SRRM4: variants seen among roughly 807,000 people sequenced by gnomAD.
SRRM4 encodes the protein serine/arginine repetitive matrix protein 4.
Under a neutral mutation model 68.9 loss-of-function variants are expected in SRRM4, and 33 were observed. That is an observed-to-expected ratio of 0.48 (90% confidence interval 0.36 to 0.64). The LOEUF is 0.64. Among genes scored for constraint, SRRM4 ranks in the 30% least tolerant of loss-of-function variants. The pLI is 0.00. For synonymous variants in SRRM4, 318 were observed against 318.8 expected (o/e 1.00, Z 0.03); for missense variants, 817 against 827.1 (o/e 0.99, Z 0.15).
At chr12:119,077,394 G>T (rs1411880141) in intron 1 of SRRM4, among the ~76,000 whole-genome samples, 2 of 151,646 alleles carry the variant, frequency 1.3e-5, no homozygotes, top group Non-Finnish European at 2.9e-5. Context: ...TTACGATTCT[G>T]GCTCTATCAT....
intron 1 of SRRM4, among the ~76,000 whole-genome samples, chr12:119,022,071 TG>T (rs1953519684): frequency 1.3e-5 from 2 of 152,218 alleles, no homozygotes; most frequent in Admixed American, 6.5e-5. Context: ...TTAATGCATG[TG>T]GGGCTTAATA....
At chr12:119,022,840 A>G (rs1832991163) in intron 1 of SRRM4, among the ~76,000 whole-genome samples, 1 of 152,316 alleles carries the variant, frequency 6.6e-6, no homozygotes, top group Non-Finnish European at 1.5e-5. Flanking sequence ...GAGTTGGTTA[A>G]TTGAGCAACT....
At chr12:119,070,535 G>A (rs571108243) in intron 1 of SRRM4, among the ~76,000 whole-genome samples, 89 of 152,252 alleles carry the variant, frequency 5.8e-4, no homozygotes, top group African/African-American at 2.1e-3. Flanking sequence ...GCCGCACACA[G>A]AAGAGCTCTA....
Position 118,982,668 on chromosome 12 carries a change from TG to T in SRRM4, c.131+656del, listed in dbSNP as rs1222652677. Among the ~76,000 whole-genome samples, 659 of 85,544 alleles carry T rather than the reference TG, an allele frequency of 7.7e-3. 4 individuals carry two copies. The highest frequency in any genetic ancestry group is 0.021 in the African/African-American group (549 of 25,746). The allele number at this position is 85,544 out of a possible 152,430, so 56.1% of individuals were successfully genotyped here. A position where few individuals can be genotyped will look rare whatever the true frequency, so the allele number is the denominator to read the frequency against. On this transcript the variant is annotated intron_variant, in intron 1 of 12. Coordinates refer to ENST00000267260, the MANE Select transcript of SRRM4 (RefSeq NM_194286.4). Reference sequence around the variant, plus strand: ...AGATGATCTTGGAAGAGTTTTATTTTGTTTTTTTTTGTTTTTTTTTTTTTTT... The same window carrying T: ...AGATGATCTTGGAAGAGTTTTATTTTTTTTTTTTTGTTTTTTTTTTTTTTT...
At chr12:119,098,999 C>T (rs1954061549) in intron 1 of SRRM4, among the ~76,000 whole-genome samples, 1 of 152,144 alleles carries the variant, frequency 6.6e-6, no homozygotes, top group South Asian at 2.1e-4. Context: ...AAAGGTAATC[C>T]AGTCCCTATC....
At position 119,072,178 on chromosome 12, in the gene SRRM4, A is replaced by T. The variant is rs77404844; in HGVS notation, c.132-30058A>T. On this transcript the variant is annotated intron_variant, in intron 1 of 12. Coordinates refer to ENST00000267260, the MANE Select transcript of SRRM4 (RefSeq NM_194286.4). ...AATAGTAAGAATTCAGTGAAAGATG[A>T]CTGTGAATATTGGGTATTGCTGTTC... 8.8e-3 allele frequency among the ~76,000 whole-genome samples: 1,341 copies of T among 152,330 alleles called. 21 individuals carry two copies. The highest frequency in any genetic ancestry group is 0.031 in the African/African-American group (1,272 of 41,576).
intron 1 of SRRM4, among the ~76,000 whole-genome samples, chr12:119,017,204 C>T (rs1294718588): frequency 6.6e-6 from 1 of 152,108 alleles, no homozygotes; most frequent in Non-Finnish European, 1.5e-5. Context: ...ATAAGTCTTC[C>T]TTGGATGAGT....
intron 1 of SRRM4, among the ~76,000 whole-genome samples, chr12:119,022,049 C>T (rs114299134): frequency 0.01 from 1,588 of 152,122 alleles, 26 homozygotes; most frequent in African/African-American, 0.035. Context: ...GGCAAAGCAT[C>T]AGGATAAATA....
intron 8 of SRRM4, among the ~76,000 whole-genome samples, chr12:119,143,105 G>T (rs945499242): frequency 1.3e-5 from 2 of 152,200 alleles, no homozygotes; most frequent in African/African-American, 2.4e-5. Flanking sequence ...CTATCACCTT[G>T]CCTGTATGCA....
intron 1 of SRRM4, among the ~76,000 whole-genome samples, chr12:119,094,860 C>T (rs1024153242): frequency 6.6e-6 from 1 of 152,170 alleles, no homozygotes; most frequent in African/African-American, 2.4e-5. Flanking sequence ...ACTTTTGGGT[C>T]TTTGAAATCT....
At chr12:119,017,113 G>A (rs1953486546) in intron 1 of SRRM4, among the ~76,000 whole-genome samples, 1 of 152,184 alleles carries the variant, frequency 6.6e-6, no homozygotes, top group Admixed American at 6.5e-5. Flanking sequence ...TATCACCACA[G>A]CCTAGTCTAT....
intron 1 of SRRM4, among the ~76,000 whole-genome samples, chr12:119,099,480 C>T (rs564576442): frequency 3.0e-4 from 45 of 152,342 alleles, no homozygotes; most frequent in African/African-American, 9.6e-4. Flanking sequence ...GCTATTCCTT[C>T]TGCCTAGGGC....
chr12:119,106,927 T>C (rs1954111201), intron 2 of SRRM4, among the ~76,000 whole-genome samples: 2 of 152,258 alleles, frequency 1.3e-5, no homozygotes, highest in East Asian at 1.9e-4. Flanking sequence ...GCCCATTCAG[T>C]ATGATATTGG....
chr12:119,102,493 G>A, intron 2 of SRRM4, 111 bp downstream of exon 2: 1 of 818,308 alleles, frequency 1.2e-6, no homozygotes, highest in Non-Finnish European at 1.9e-6. Context: ...CTTAAATCAA[G>A]GGTTAGTAAA....
At chr12:119,028,357 T>C (rs1953562670) in intron 1 of SRRM4, among the ~76,000 whole-genome samples, 1 of 152,102 alleles carries the variant, frequency 6.6e-6, no homozygotes, top group African/African-American at 2.4e-5. Context: ...AGGGACCCTG[T>C]GAGAGGTAAT....
At chr12:119,135,133 G>A (rs1212959940) in intron 8 of SRRM4, among the ~76,000 whole-genome samples, 1 of 152,158 alleles carries the variant, frequency 6.6e-6, no homozygotes, top group Non-Finnish European at 1.5e-5. Flanking sequence ...TGTGGTTTGT[G>A]CCTTGAAAGC....
intron 8 of SRRM4, among the ~76,000 whole-genome samples, chr12:119,143,395 A>C (rs2136064535): frequency 6.6e-6 from 1 of 152,364 alleles, no homozygotes; most frequent in South Asian, 2.1e-4. Flanking sequence ...AAGGTATAGA[A>C]GAAGACCCAC....
chr12:118,987,146 G>A (rs1374418680), intron 1 of SRRM4, among the ~76,000 whole-genome samples: 3 of 152,098 alleles, frequency 2.0e-5, no homozygotes, highest in African/African-American at 4.8e-5. Flanking sequence ...TGCAGGACCC[G>A]CTAGTCACTT....
intron 1 of SRRM4, among the ~76,000 whole-genome samples, chr12:119,009,743 C>A (rs968186995): frequency 7.2e-5 from 11 of 152,166 alleles, no homozygotes; most frequent in African/African-American, 2.7e-4. Flanking sequence ...TATACAGGCA[C>A]TGTGCTAGGA....
Sources: allele counts gnomAD v4.1 joint callset (sites outside exome capture counted in the v4.1 genomes callset), GRCh38; gene constraint gnomAD v4.1.1; transcripts MANE v1.5; gene names NCBI Gene and HGNC (gene_info 2026-07-23, HGNC 2026-07-21).